Variants in FKBP9 observed in about 807,000 individuals in gnomAD.
FKBP9 encodes peptidyl-prolyl cis-trans isomerase FKBP9.
A neutral mutation model predicts 55.6 loss-of-function variants in FKBP9; 27 were observed. The ratio of observed to expected loss-of-function variants is 0.49; its 90% CI spans 0.36 to 0.67. The LOEUF is 0.67. Ranked by LOEUF, FKBP9 falls within the 30% of genes least tolerant of loss-of-function variation. FKBP9 has a pLI of 0.00. For missense variants in FKBP9, 539 were observed against 742.8 expected (o/e 0.73, Z 3.19); for synonymous variants, 267 against 296.5 (o/e 0.90, Z 1.02).
chr7:32,972,448 GAA>G (rs1784272405), intron 1 of FKBP9, among the ~76,000 whole-genome samples: 1 of 151,754 alleles, frequency 6.6e-6, no homozygotes, highest in Admixed American at 6.6e-5. Flanking sequence ...GTTCATTAGG[GAA>G]AAAGAGGAAA....
At chr7:32,963,022 A>G (rs1784055104) in intron 1 of FKBP9, among the ~76,000 whole-genome samples, 1 of 152,176 alleles carries the variant, frequency 6.6e-6, no homozygotes, top group South Asian at 2.1e-4. Flanking sequence ...CCTTGTGAGT[A>G]TTATGCATAG....
chr7:32,973,701 T>TG (rs1381070942), intron 1 of FKBP9, among the ~76,000 whole-genome samples: 5 of 128,816 alleles, frequency 3.9e-5, no homozygotes, highest in South Asian at 5.4e-4. Context: ...TTTTTTTTTT[T>TG]TTTTTTTGAC....
chr7:32,991,364 C>T (rs927542344), intron 6 of FKBP9, among the ~76,000 whole-genome samples: 1 of 152,020 alleles, frequency 6.6e-6, no homozygotes, highest in Admixed American at 6.6e-5. Flanking sequence ...GAGGTATAAA[C>T]CCCAAGTGCT....
chr7:32,978,860 TGCTCGGCTATCCAA>T (rs1784412205), intron 4 of FKBP9, among the ~76,000 whole-genome samples: 1 of 152,260 alleles, frequency 6.6e-6, no homozygotes, highest in African/African-American at 2.4e-5. Flanking sequence ...TTGAATACTG[TGCTCGGCTATCCAA>T]GTATAACTTT....
At chr7:32,967,874 C>A (rs1316964028) in intron 1 of FKBP9, among the ~76,000 whole-genome samples, 1 of 152,042 alleles carries the variant, frequency 6.6e-6, no homozygotes, top group African/African-American at 2.4e-5. Flanking sequence ...CCTGCCTCAG[C>A]CTCCTGAGTA....
At position 33,000,174 on chromosome 7, in the gene FKBP9, T is replaced by C. The variant is rs894387433; in HGVS notation, c.1286T>C (p.Met429Thr). The C allele has an allele frequency of 1.2e-6, 2 of 1,613,758 alleles. No individual in the cohort carries two copies. The highest frequency in any genetic ancestry group is 1.7e-6 in the Non-Finnish European group (2 of 1,179,896). The change falls in exon 8 of 10, where the codon ATG (methionine) becomes ACG (threonine). Residue 429 changes from methionine (M) to threonine (T), a missense_variant. Physicochemically the swap from Met to Thr is moderately conservative, Grantham distance 81 (BLOSUM62 -1). Coordinates refer to ENST00000242209, the MANE Select transcript of FKBP9 (RefSeq NM_007270.5). ...GGATCTGGGCAAGTTGTGTTGGGGA[T>C]GGACATGGGTCTCAGAGAGATGTGC... is the stretch of plus-strand genomic sequence containing the variant. Reference protein sequence around the residue: ...VLGSGQVVLGMDMGLREMCVG... With the variant: ...VLGSGQVVLGTDMGLREMCVG...
intron 1 of FKBP9, among the ~76,000 whole-genome samples, chr7:32,960,399 G>T (rs1315120737): frequency 6.6e-6 from 1 of 152,194 alleles, no homozygotes. Context: ...ACAGGCGGGA[G>T]CCACCACGCC....
chr7:32,960,471 G>A (rs769097199), intron 1 of FKBP9, among the ~76,000 whole-genome samples: 1 of 152,054 alleles, frequency 6.6e-6, no homozygotes, highest in Non-Finnish European at 1.5e-5. Flanking sequence ...TTGTGGTTTC[G>A]ATCTGCATTT....
intron 8 of FKBP9, among the ~76,000 whole-genome samples, chr7:33,001,071 C>G (rs1366112842): frequency 6.6e-6 from 1 of 152,190 alleles, no homozygotes; most frequent in African/African-American, 2.4e-5. Flanking sequence ...GCCACTGTGC[C>G]TGGCCCCAGG....
intron 6 of FKBP9, among the ~76,000 whole-genome samples, chr7:32,992,437 CT>C: frequency 6.6e-6 from 1 of 152,326 alleles, no homozygotes; most frequent in Middle Eastern, 3.4e-3. Flanking sequence ...CTATTGGCCG[CT>C]TTTAAGTTTT....
At chr7:32,965,828 T>TATATGTGTATACAC (rs1554284325) in intron 1 of FKBP9, among the ~76,000 whole-genome samples, 1 of 35,070 alleles carries the variant, frequency 2.9e-5, no homozygotes, top group East Asian at 5.3e-4. Flanking sequence ...TATATATATA[T>TATATGTGTATACAC]ATATATATAT....
At chr7:32,969,716 T>C (rs1784217680) in intron 1 of FKBP9, among the ~76,000 whole-genome samples, 1 of 151,954 alleles carries the variant, frequency 6.6e-6, no homozygotes, top group East Asian at 1.9e-4. Flanking sequence ...CCTTCAAGAT[T>C]CCAAGGCCAG....
chr7:32,962,052 C>A (rs2127975695), intron 1 of FKBP9, among the ~76,000 whole-genome samples: 1 of 152,200 alleles, frequency 6.6e-6, no homozygotes, highest in African/African-American at 2.4e-5. Context: ...GAATTCCTTT[C>A]ATGAAACTGG....
At position 32,973,689 on chromosome 7, in the gene FKBP9, T is replaced by G. The variant is rs1405458467; in HGVS notation, c.222-928T>G. 9.9e-3 allele frequency among the ~76,000 whole-genome samples: 813 copies of G among 82,252 alleles called. 12 individuals carry two copies. The highest frequency in any genetic ancestry group is 0.043 in the African/African-American group (776 of 18,236). The allele number at this position is 82,252 out of a possible 152,430, so 54.0% of individuals were successfully genotyped here. ...GAAATGAAGTTTTTTGTTGTTTTTT[T>G]TTTTTTTTTTTTTTTTTTTGACACA... On this transcript the variant is annotated intron_variant, in intron 1 of 9. Coordinates refer to ENST00000242209, the MANE Select transcript of FKBP9 (RefSeq NM_007270.5).
chr7:32,976,584 C>G, intron 4 of FKBP9, 85 bp downstream of exon 4: 6 of 1,518,364 alleles, frequency 4.0e-6, no homozygotes, highest in Non-Finnish European at 4.4e-6. Context: ...ACATGAAACC[C>G]ACTAGACCTT....
At chr7:32,961,803 G>A (rs901116749) in intron 1 of FKBP9, among the ~76,000 whole-genome samples, 2 of 151,666 alleles carry the variant, frequency 1.3e-5, no homozygotes, top group African/African-American at 4.8e-5. Context: ...TCTAGGTTAT[G>A]TGCTCCTTAT....
intron 7 of FKBP9, among the ~76,000 whole-genome samples, chr7:32,997,134 A>G (rs1456920893): frequency 1.3e-5 from 2 of 151,798 alleles, no homozygotes; most frequent in Non-Finnish European, 2.9e-5. Flanking sequence ...CAGTGGTGCT[A>G]TCTCGGCTCA....
At position 33,006,394 on chromosome 7, in the gene FKBP9, G is replaced by A. The variant is rs1188009982; in HGVS notation, c.*1043G>A. On this transcript the variant is annotated 3_prime_UTR_variant, in exon 10 of 10. Transcript: ENST00000242209. ...CTCCCAAAGTGTTGGGATTACAGGC[G>A]TGACTCACCATGCCCAGCCACTTAG... 2.0e-5 allele frequency: 4 copies of A among 202,430 alleles called. No homozygotes were observed. The highest frequency in any genetic ancestry group is 4.6e-5 in the African/African-American group (2 of 43,608). The allele number at this position is 202,430 out of a possible 1,614,324, so 12.5% of individuals were successfully genotyped here.
At chr7:32,979,679 G>A (rs1784434174) in intron 4 of FKBP9, 2 of 879,648 alleles carry the variant, frequency 2.3e-6, no homozygotes, top group South Asian at 1.4e-5. Context: ...TTTGCAGGAA[G>A]AACTAGTGTC....
Sources: allele counts gnomAD v4.1 joint callset (sites outside exome capture counted in the v4.1 genomes callset), GRCh38; gene constraint gnomAD v4.1.1; transcripts MANE v1.5; gene names NCBI Gene and HGNC (gene_info 2026-07-23, HGNC 2026-07-21).